The following ZBTB47 variants were observed in gnomAD, a reference collection of about 807,000 sequenced individuals.
ZBTB47 encodes zinc finger and BTB domain-containing protein 47.
ZBTB47 carries 24 observed loss-of-function variants against 56.6 expected under a neutral mutation model. The observed-to-expected ratio is 0.42, with a 90% confidence interval of 0.31 to 0.60. ZBTB47 has a LOEUF of 0.60. ZBTB47 is among the 20% of genes least tolerant of loss of function. The probability of loss-of-function intolerance (pLI) is 0.14; values close to 1 mark genes in which losing one functional copy is unlikely to be tolerated. For missense variants in ZBTB47, 829 were observed against 1,032.6 expected, an observed-to-expected ratio of 0.80 and a Z score of 2.70; for synonymous variants, 414 against 418.9, an observed-to-expected ratio of 0.99 and a Z score of 0.14.
At chr3:42,655,076 ATGAC>A (rs1710623685) in intron 1 of ZBTB47, among the ~76,000 whole-genome samples, 1 of 152,008 alleles carries the variant, frequency 6.6e-6, no homozygotes, top group African/African-American at 2.4e-5. Flanking sequence ...GGGATTCGGG[ATGAC>A]CCGGGCCAAG....
intron 2 of ZBTB47, among the ~76,000 whole-genome samples, chr3:42,660,817 G>A (rs1230183180): frequency 1.3e-5 from 2 of 152,158 alleles, no homozygotes; most frequent in Non-Finnish European, 2.9e-5. Flanking sequence ...AGAAGCTTCT[G>A]CCCCATCCAA....
At chr3:42,661,744 CCT>C in intron 3 of ZBTB47, 112 bp downstream of exon 3, 1 of 1,421,812 alleles carries the variant, frequency 7.0e-7, no homozygotes, top group Non-Finnish European at 9.4e-7. Flanking sequence ...TGAGGAGGCC[CCT>C]CTCAGCTAGG....
chr3:42,656,162 T>C lies in ZBTB47; in HGVS notation c.-81-2113T>C, dbSNP rs529722954. ...GGAGCCCCTGTTGCAACCCAAGTTG[T>C]ACCCTGATCCTTCACTGACCTGCAG... On this transcript the variant is annotated intron_variant, in intron 1 of 5. Coordinates refer to ENST00000232974, the MANE Select transcript of ZBTB47 (RefSeq NM_145166.4). The surrounding 1 kb of genome is among the most constrained non-coding windows in gnomAD (Gnocchi z 5.8). Among the ~76,000 whole-genome samples, 2 of 152,334 alleles carry C rather than the reference T, an allele frequency of 1.3e-5. No individual in the cohort carries two copies. The highest frequency in any genetic ancestry group is 4.1e-4 in the South Asian group (2 of 4,828).
intron 1 of ZBTB47, among the ~76,000 whole-genome samples, chr3:42,655,981 T>A (rs963600060): frequency 6.6e-6 from 1 of 152,130 alleles, no homozygotes; most frequent in Non-Finnish European, 1.5e-5. Context: ...CTGTGGCAGG[T>A]GGGCACAGGT....
At chr3:42,660,553 G>A (rs1321323881) in intron 2 of ZBTB47, among the ~76,000 whole-genome samples, 1 of 152,218 alleles carries the variant, frequency 6.6e-6, no homozygotes, top group African/African-American at 2.4e-5. Flanking sequence ...AGGGTGGGGT[G>A]GCACAGGGCC....
rs978163825 is a variant in ZBTB47, at chr3:42,666,484, T to G, written c.*1886T>G. On this transcript the variant is annotated 3_prime_UTR_variant, in exon 6 of 6. Coordinates refer to ENST00000232974, the MANE Select transcript of ZBTB47 (RefSeq NM_145166.4). Reference sequence around the variant, plus strand: ...AGGGTCCCCCCCTCCCTGTTGCTATTTTTAATCTCTAGTCCCAGTGCCTGG... The same window carrying G: ...AGGGTCCCCCCCTCCCTGTTGCTATGTTTAATCTCTAGTCCCAGTGCCTGG... 6.6e-6 allele frequency among the ~76,000 whole-genome samples: 1 copy of G among 152,196 alleles called. No individual in the cohort carries two copies. The highest frequency in any genetic ancestry group is 2.4e-5 in the African/African-American group (1 of 41,452).
rs773316642 is a variant in ZBTB47, at chr3:42,659,440, G to C, written c.1085G>C (p.Arg362Pro). 4 of 1,480,528 alleles carry C rather than the reference G, an allele frequency of 2.7e-6. No homozygotes were observed. Among genetic ancestry groups the C allele is most frequent in the Non-Finnish European group, 3.6e-6 (4 of 1,122,570 alleles). The allele number at this position is 1,480,528 out of a possible 1,614,324, so 91.7% of individuals were successfully genotyped here. The change falls in exon 2 of 6, where the codon CGG becomes CCG. Residue 362 changes from arginine (R) to proline (P), a missense_variant. Around this residue, in one of 6 missense-constraint regions of ZBTB47, gnomAD observed 359 missense variants for 359.8 expected, o/e 1.00. Transcript: ENST00000232974. ...EGEAGGKQGPRGSRSSRADPP... is the reference protein window; with the variant it reads ...EGEAGGKQGPPGSRSSRADPP... ...GAGGCTGGGGGCAAGCAGGGGCCAC[G>C]GGGAAGCCGAAGCAGCCGGGCAGAC...
rs951972823 is a variant in ZBTB47 at position 42,666,589 on chromosome 3, T to A, written c.*1991T>A. Among the ~76,000 whole-genome samples the A allele has an allele frequency of 4.6e-5, 7 of 152,022 alleles. No individual in the cohort carries two copies. Among genetic ancestry groups the A allele is most frequent in the African/African-American group, 1.7e-4 (7 of 41,382 alleles). On this transcript the variant is annotated 3_prime_UTR_variant, in exon 6 of 6. Transcript: ENST00000232974. The stretch of plus-strand genomic sequence containing the variant: ...GGCTGTAGGCAGGGTCCTCCATGGG[T>A]TTCCAACCCCCATCACTGGCACCAG...
rs1356744738 is a variant in ZBTB47 at position 42,663,054 on chromosome 3, A to G, written c.1664A>G (p.Lys555Arg). The change falls in exon 4 of 6, where the codon AAG becomes AGG. Residue 555 changes from lysine to arginine, a missense_variant. Lys to Arg is a conservative substitution (Grantham distance 26, BLOSUM62 2). This residue lies in a region of ZBTB47 where 187 missense variants were observed against 253.1 expected (regional missense o/e 0.74). Coordinates refer to ENST00000232974, the MANE Select transcript of ZBTB47 (RefSeq NM_145166.4). This position sits in a 1 kb window ranked among gnomAD's most constrained non-coding sequence, Gnocchi z 5.1. The stretch of plus-strand genomic sequence containing the variant: ...CCCTTCACCTGCGAGACCTGCGGAA[A>G]GTCCTTCAAGCGCAGCATGTCCCTC... Reference protein sequence around the residue: ...DMPFTCETCGKSFKRSMSLKV... With the variant: ...DMPFTCETCGRSFKRSMSLKV... The G allele has an allele frequency of 6.2e-7, 1 of 1,613,924 alleles. No homozygotes were observed. Among genetic ancestry groups the G allele is most frequent in the Non-Finnish European group, 8.5e-7 (1 of 1,179,802 alleles).
Position 42,659,280 on chromosome 3 carries a change from G to A in ZBTB47, c.925G>A (p.Gly309Ser). Residue 309 changes from glycine (G) to serine (S), a missense_variant, in exon 2 of 6, where the codon GGC (glycine) becomes AGC (serine). Gly to Ser is a moderately conservative substitution (Grantham distance 56, BLOSUM62 0). Transcript: ENST00000232974. Reference protein sequence around the residue: ...GREEEEEEEGGSQGEEEEEEE... With the variant: ...GREEEEEEEGSSQGEEEEEEE... ...GGAGGAGGAGGAGGAGGAAGAGGGTGGCAGTCAGGGAGAAGAGGAAGAAGA... is the reference window on the plus strand; with the variant it reads ...GGAGGAGGAGGAGGAGGAAGAGGGTAGCAGTCAGGGAGAAGAGGAAGAAGA... 2 of 1,507,012 alleles carry A rather than the reference G, an allele frequency of 1.3e-6. No homozygotes were observed. The highest frequency in any genetic ancestry group is 1.8e-6 in the Non-Finnish European group (2 of 1,122,096). 93.4% of individuals were successfully genotyped at this position (1,507,012 alleles called of 1,614,324 possible).
chr3:42,654,901 G>GT lies in ZBTB47; in HGVS notation c.-82+1019dup, dbSNP rs1710619690. Among the ~76,000 whole-genome samples the GT allele has an allele frequency of 6.6e-6, 1 of 151,944 alleles. No homozygotes were observed. The highest frequency in any genetic ancestry group is 6.5e-5 in the Admixed American group (1 of 15,284). On this transcript the variant is annotated intron_variant, in intron 1 of 5. Coordinates refer to ENST00000232974, the MANE Select transcript of ZBTB47 (RefSeq NM_145166.4). The surrounding 1 kb of genome is among the most constrained non-coding windows in gnomAD (Gnocchi z 5.0). ...GTGGGGAGGGGGTTAAATTCCTGTG[G>GT]TGGGGGCGCCGGCGCGCGAGGCTGA...
chr3:42,664,543 C>T lies in ZBTB47; in HGVS notation c.2189C>T (p.Pro730Leu). 4.9e-6 allele frequency: 7 copies of T among 1,421,260 alleles called. No individual in the cohort carries two copies. Among genetic ancestry groups the T allele is most frequent in the South Asian group, 1.5e-5 (1 of 65,964 alleles). The allele number at this position is 1,421,260 out of a possible 1,614,324, so 88.0% of individuals were successfully genotyped here. Reference protein sequence around the residue: ...LPPPPHLPPPPPLFPTTASPG... With the variant: ...LPPPPHLPPPLPLFPTTASPG... ...CCCCCGCCCCACCTGCCGCCCCCGC[C>T]TCCGCTCTTCCCCACCACTGCCAGC... Residue 730 changes from proline (P) to leucine (L), a missense_variant, in exon 6 of 6, where the codon CCT becomes CTT. Pro to Leu is a moderately conservative substitution (Grantham distance 98). Transcript: ENST00000232974.
rs1356265469 is a variant in ZBTB47 at position 42,658,330 on chromosome 3, A to G, written c.-26A>G. 3 of 1,513,886 alleles carry G rather than the reference A, an allele frequency of 2.0e-6. No individual in the cohort carries two copies. The highest frequency in any genetic ancestry group is 2.6e-6 in the Non-Finnish European group (3 of 1,134,754). 93.8% of individuals were successfully genotyped at this position (1,513,886 alleles called of 1,614,324 possible). ...GCGGCTGAGTTCTCGCTGGTGGAGG[A>G]CGTGGCGCTGCACTTTGCCTGCTTG... On this transcript the variant is annotated 5_prime_UTR_variant, in exon 2 of 6. Transcript: ENST00000232974.
Position 42,656,199 on chromosome 3 carries a change from C to T in ZBTB47, c.-81-2076C>T, listed in dbSNP as rs1387278020. Among the ~76,000 whole-genome samples the T allele has an allele frequency of 1.3e-5, 2 of 152,180 alleles. No homozygotes were observed. The highest frequency in any genetic ancestry group is 4.1e-4 in the South Asian group (2 of 4,828). On this transcript the variant is annotated intron_variant, in intron 1 of 5. Coordinates refer to ENST00000232974, the MANE Select transcript of ZBTB47 (RefSeq NM_145166.4). The surrounding 1 kb of genome is among the most constrained non-coding windows in gnomAD (Gnocchi z 5.8). The stretch of plus-strand genomic sequence containing the variant: ...TCACTGACCTGCAGGTGCAGTGGCT[C>T]TAGGGAGGAGGGAGCAGGTAGAGGG...
In ZBTB47 at chr3:42,664,552, T is replaced by TC; in HGVS notation, c.2202dup (p.Thr735HisfsTer93). ...CACCTGCCGCCCCCGCCTCCGCTCT[T>TC]CCCCACCACTGCCAGCCCCGGCGGG... On this transcript the variant is annotated frameshift_variant, in exon 6 of 6. Transcript: ENST00000232974. LOFTEE classifies it low-confidence loss of function (END_TRUNC). 7.2e-7 allele frequency: 1 copy of TC among 1,398,134 alleles called. No individual in the cohort carries two copies. The highest frequency in any genetic ancestry group is 9.2e-7 in the Non-Finnish European group (1 of 1,087,806). 86.6% of individuals were successfully genotyped at this position (1,398,134 alleles called of 1,614,324 possible).
rs1710765168 is a variant in ZBTB47 at position 42,664,745 on chromosome 3, C to T, written c.*147C>T. On this transcript the variant is annotated 3_prime_UTR_variant, in exon 6 of 6. Coordinates refer to ENST00000232974, the MANE Select transcript of ZBTB47 (RefSeq NM_145166.4). ...GGCTGGATGTACCCTGCCTGAGGCC[C>T]CGACGAGGAGGGGTATGCAGGCTGG... 1 of 987,982 alleles carries T rather than the reference C, an allele frequency of 1.0e-6. No individual in the cohort carries two copies. Among genetic ancestry groups the T allele is most frequent in the African/African-American group, 1.7e-5 (1 of 58,420 alleles). The allele number at this position is 987,982 out of a possible 1,614,324, so 61.2% of individuals were successfully genotyped here.
At position 42,664,484 on chromosome 3, in the gene ZBTB47, G is replaced by T. The variant is rs772929690; in HGVS notation, c.2130G>T (p.Leu710=). ...LPPTQPQAHA[L]PLLPGLPQTL... is the part of the protein sequence containing the mutation. ...CAACCCAGCCCCAGGCGCACGCACT[G>T]CCCCTGCTCCCGGGGCTGCCCCAGA... is the stretch of plus-strand genomic sequence containing the variant. The change falls in exon 6 of 6, where the codon CTG becomes CTT. Residue 710 remains leucine, a synonymous_variant. Transcript: ENST00000232974. The T allele has an allele frequency of 3.5e-5, 52 of 1,504,184 alleles. No homozygotes were observed. In the Middle Eastern group the frequency reaches 5.6e-4, roughly 16 times the overall value. 93.2% of individuals were successfully genotyped at this position (1,504,184 alleles called of 1,614,324 possible). A position where few individuals can be genotyped will look rare whatever the true frequency, so the allele number is the denominator to read the frequency against.
chr3:42,664,318 C>T lies in ZBTB47; in HGVS notation c.1964C>T (p.Thr655Met). ...PNMKRHRRTH[T>M]GEKPYPCDVC... ...ATGAAGCGGCACCGGCGCACGCACA[C>T]GGGCGAGAAGCCGTACCCGTGCGAC... Residue 655 changes from threonine (T) to methionine (M), a missense_variant, in exon 6 of 6, where the codon ACG becomes ATG. By Grantham distance (81) the Thr-to-Met change is moderately conservative. This residue lies in a region of ZBTB47 where 44 missense variants were observed against 76.7 expected (regional missense o/e 0.57). Coordinates refer to ENST00000232974, the MANE Select transcript of ZBTB47 (RefSeq NM_145166.4). 1.2e-6 allele frequency: 2 copies of T among 1,612,332 alleles called. No homozygotes were observed. The highest frequency in any genetic ancestry group is 1.7e-6 in the Non-Finnish European group (2 of 1,179,698).
At position 42,657,101 on chromosome 3, in the gene ZBTB47, C is replaced by T. The variant is rs149672669; in HGVS notation, c.-81-1174C>T. Among the ~76,000 whole-genome samples, 92 of 152,312 alleles carry T rather than the reference C, an allele frequency of 6.0e-4. 1 individual carries two copies. The Middle Eastern group carries it at 0.01, about 17-fold the overall frequency. On this transcript the variant is annotated intron_variant, in intron 1 of 5. Coordinates refer to ENST00000232974, the MANE Select transcript of ZBTB47 (RefSeq NM_145166.4). ...CTGCACATCACTGTGTGATGGTTCT[C>T]GTGCAGGGACTGGGCAGGCTGCCTG...
Sources: gnomAD v4.1 joint callset for allele counts (sites outside exome capture counted in the v4.1 genomes callset) on GRCh38, gnomAD v4.1.1 for gene constraint, gnomAD v4.1.1 regional missense constraint, Gnocchi (gnomAD v3.1) non-coding constraint, MANE v1.5 for transcripts, NCBI Gene and HGNC (gene_info 2026-07-23, HGNC 2026-07-21) for gene names.